Variants in SEC24A observed in about 807,000 individuals in gnomAD.
SEC24A encodes SEC24 homolog A, COPII component.
Under a neutral mutation model 129.4 loss-of-function variants are expected in SEC24A, and 93 were observed. The ratio of observed to expected loss-of-function variants is 0.72; its 90% CI spans 0.61 to 0.85. The LOEUF is 0.85. Ranked by LOEUF, SEC24A falls within the 40% of genes least tolerant of loss-of-function variation. The probability of loss-of-function intolerance (pLI) is 0.00; values close to 1 mark genes in which losing one functional copy is unlikely to be tolerated. For missense variants in SEC24A, 1,264 were observed against 1,307.4 expected (o/e 0.97, Z 0.51); for synonymous variants, 460 against 467.3 (o/e 0.98, Z 0.20).
chr5:134,663,115 C>T (rs547768546), intron 2 of SEC24A, among the ~76,000 whole-genome samples: 46 of 152,182 alleles, frequency 3.0e-4, no homozygotes, highest in Non-Finnish European at 6.3e-4. Context: ...GATAGGCTGT[C>T]TCTCTGTTTC....
chr5:134,719,845 C>T (rs1457566791), intron 20 of SEC24A, among the ~76,000 whole-genome samples: 2 of 152,130 alleles, frequency 1.3e-5, no homozygotes, highest in East Asian at 1.9e-4. Context: ...ATTAGCCAGG[C>T]GTGGTGGCAC....
intron 1 of SEC24A, among the ~76,000 whole-genome samples, chr5:134,650,905 G>A (rs1236573486): frequency 1.3e-5 from 2 of 151,788 alleles, no homozygotes; most frequent in African/African-American, 4.8e-5. Context: ...CTCTGAAGTA[G>A]CTGGGATTAC....
At chr5:134,662,176 A>G (rs921298099) in intron 2 of SEC24A, among the ~76,000 whole-genome samples, 1 of 150,858 alleles carries the variant, frequency 6.6e-6, no homozygotes, top group Non-Finnish European at 1.5e-5. Context: ...TTTTTTTGAG[A>G]CGGAGTCTCT....
intron 19 of SEC24A, among the ~76,000 whole-genome samples, chr5:134,717,376 G>T (rs1036268326): frequency 1.3e-5 from 2 of 151,664 alleles, no homozygotes; most frequent in African/African-American, 4.8e-5. Context: ...GCATGGTGGC[G>T]CATGCCTGTA....
chr5:134,713,652 A>G (rs1439808271), intron 18 of SEC24A, among the ~76,000 whole-genome samples: 1 of 152,084 alleles, frequency 6.6e-6, no homozygotes, highest in Non-Finnish European at 1.5e-5. Flanking sequence ...TAATATAGTC[A>G]GTGTACTTGT....
rs1580748042 is a variant in SEC24A, at chr5:134,725,305, T to C, written c.*211T>C. 2.5e-6 allele frequency: 1 copy of C among 407,234 alleles called. No homozygotes were observed. Among genetic ancestry groups the C allele is most frequent in the East Asian group, 4.2e-5 (1 of 23,614 alleles). 25.2% of individuals were successfully genotyped at this position (407,234 alleles called of 1,614,324 possible). On this transcript the variant is annotated 3_prime_UTR_variant, in exon 23 of 23. Transcript: ENST00000398844. ...AAATACTGTATTTTTCAAATCAGAA[T>C]ATAGCTACGTATGATTGGATACTTT...
chr5:134,667,633 G>A (rs1487947707), intron 3 of SEC24A, among the ~76,000 whole-genome samples: 6 of 118,120 alleles, frequency 5.1e-5, no homozygotes, highest in Admixed American at 2.4e-4. Context: ...CAGCCTGGGC[G>A]ACAGAACCAG....
At chr5:134,691,781 G>A (rs960003089) in intron 11 of SEC24A, among the ~76,000 whole-genome samples, 28 of 151,818 alleles carry the variant, frequency 1.8e-4, no homozygotes, top group African/African-American at 6.0e-4. Context: ...CACCGTGCCC[G>A]GCCGACCTTC....
chr5:134,679,443 A>G (rs557220909), intron 7 of SEC24A, among the ~76,000 whole-genome samples, 159 bp from the exon 8 acceptor site: 1 of 152,196 alleles, frequency 6.6e-6, no homozygotes, highest in Non-Finnish European at 1.5e-5. Context: ...TTTCAACTAC[A>G]TGGTTTTTGT....
intron 15 of SEC24A, among the ~76,000 whole-genome samples, chr5:134,702,305 A>G (rs1752028691): frequency 6.6e-6 from 1 of 152,200 alleles, no homozygotes. Flanking sequence ...ACATGCCACC[A>G]TGCCCAGCAT....
chr5:134,715,137 T>C lies in SEC24A; in HGVS notation c.2841T>C (p.Tyr947=), dbSNP rs774408646. 4.4e-6 allele frequency: 7 copies of C among 1,608,720 alleles called. No homozygotes were observed. The South Asian group carries it at 6.7e-5, about 15-fold the overall frequency. ...TGCTCACAACTCATCCCAGTTTGTA[T>C]AGAGTTGACAATCTCTCAGATGAGG... is the stretch of plus-strand genomic sequence containing the variant. ...YLMLTTHPSL[Y]RVDNLSDEGA... The change falls in exon 19 of 23, where the codon TAT becomes TAC. Residue 947 remains tyrosine (Y), a synonymous_variant. Transcript: ENST00000398844.
intron 17 of SEC24A, among the ~76,000 whole-genome samples, chr5:134,706,471 A>G (rs961490928): frequency 2.6e-5 from 4 of 152,036 alleles, no homozygotes; most frequent in Admixed American, 1.3e-4. Context: ...TGGTCTTTCT[A>G]CTTGAGGGAA....
rs1317720567 is a variant in SEC24A at position 134,678,554 on chromosome 5, C to A, written c.1255-1048C>A. ...AAGTGATCCTCCTGCTTTGGCCTTC[C>A]AAAGCACTGGGATATATATATATAT... is the stretch of plus-strand genomic sequence containing the variant. On this transcript the variant is annotated intron_variant, in intron 7 of 22. Coordinates refer to ENST00000398844, the MANE Select transcript of SEC24A (RefSeq NM_021982.3). Among the ~76,000 whole-genome samples, 5 of 151,360 alleles carry A rather than the reference C, an allele frequency of 3.3e-5. No homozygotes were observed. In the East Asian group the frequency reaches 9.7e-4, roughly 29 times the overall value.
chr5:134,712,322 C>G (rs1176834945), intron 18 of SEC24A, among the ~76,000 whole-genome samples: 1 of 151,900 alleles, frequency 6.6e-6, no homozygotes, highest in Admixed American at 6.6e-5. Context: ...GTGATCTTGG[C>G]TCACTGCAAC....
At chr5:134,650,286 G>A (rs1750001707) in intron 1 of SEC24A, among the ~76,000 whole-genome samples, 1 of 152,090 alleles carries the variant, frequency 6.6e-6, no homozygotes, top group African/African-American at 2.4e-5. Flanking sequence ...TTTTATTCTA[G>A]AATATTTAGT....
chr5:134,679,041 A>G (rs1379968653), intron 7 of SEC24A, among the ~76,000 whole-genome samples: 5 of 151,722 alleles, frequency 3.3e-5, no homozygotes, highest in Non-Finnish European at 7.4e-5. Flanking sequence ...TTGGTTTTGC[A>G]ATATGAGTGT....
chr5:134,678,472 T>C (rs1751144131), intron 7 of SEC24A, among the ~76,000 whole-genome samples: 1 of 151,852 alleles, frequency 6.6e-6, no homozygotes, highest in African/African-American at 2.4e-5. Flanking sequence ...ACTCTTTTTT[T>C]TTGGTAGAGA....
chr5:134,679,144 T>C (rs1751173564), intron 7 of SEC24A, among the ~76,000 whole-genome samples: 1 of 152,092 alleles, frequency 6.6e-6, no homozygotes, highest in South Asian at 2.1e-4. Context: ...GTGCAGTGGC[T>C]CAGTCATGGC....
chr5:134,676,234 T>G, intron 7 of SEC24A, 109 bp downstream of exon 7: 3 of 678,496 alleles, frequency 4.4e-6, no homozygotes, highest in Non-Finnish European at 7.1e-6. Context: ...CTGCCCTCCA[T>G]GTTCAAGTGA....
Sources: gnomAD v4.1 joint callset for allele counts (sites outside exome capture counted in the v4.1 genomes callset) on GRCh38, gnomAD v4.1.1 for gene constraint, MANE v1.5 for transcripts, NCBI Gene and HGNC (gene_info 2026-07-23, HGNC 2026-07-21) for gene names.